Variants in KIF4A observed in about 807,000 individuals in gnomAD.
The protein encoded by KIF4A is kinesin family member 4A, also known as chromosome-associated kinesin KIF4A.
In KIF4A, 7 loss-of-function variants were observed where a neutral mutation model predicts 105.9. The ratio of observed to expected loss-of-function variants is 0.07; its 90% CI spans 0.04 to 0.12. The LOEUF is 0.12. Among genes scored for constraint, KIF4A ranks in the 10% least tolerant of loss-of-function variants. The pLI is 1.00. For missense variants in KIF4A, 558 were observed against 929.2 expected, an observed-to-expected ratio of 0.60 and a Z score of 5.19; for synonymous variants, 281 against 331.3, an observed-to-expected ratio of 0.85 and a Z score of 1.65.
chrX:70,330,182 T>C lies in KIF4A; in HGVS notation c.921T>C (p.Thr307=), dbSNP rs200974983. ...ATTCTCTAGGAGGTAATAGCCATAC[T>C]CTTATGATAGCCTGTGTGAGTCCTG... ...LQDSLGGNSH[T]LMIACVSPAD... is the part of the protein sequence containing the mutation. The change falls in exon 9 of 31, where the codon ACT becomes ACC. Residue 307 remains threonine (T), a synonymous_variant. Coordinates refer to ENST00000374403, the MANE Select transcript of KIF4A (RefSeq NM_012310.5). The C allele has an allele frequency of 3.3e-6, 4 of 1,205,014 alleles. No homozygotes were observed. In the African/African-American group the frequency reaches 5.3e-5, roughly 16 times the overall value.
chrX:70,388,612 T>C (rs1472509526), intron 20 of KIF4A, among the ~76,000 whole-genome samples: 5 of 111,891 alleles, frequency 4.5e-5, no homozygotes, highest in African/African-American at 1.3e-4. Flanking sequence ...TGGAACCTCA[T>C]TGTGGTTCTA....
chrX:70,415,368 G>C, intron 28 of KIF4A: 1 of 265,994 alleles, frequency 3.8e-6, no homozygotes, highest in South Asian at 3.6e-5. Context: ...TCAGCACTTT[G>C]GGAGGCTGAG....
intron 26 of KIF4A, 102 bp downstream of exon 26, chrX:70,406,007 C>A: frequency 3.1e-6 from 2 of 636,168 alleles, no homozygotes; most frequent in Non-Finnish European, 5.2e-6. Flanking sequence ...GGCTTTATTT[C>A]ATGAGGTCTA....
intron 15 of KIF4A, among the ~76,000 whole-genome samples, chrX:70,358,726 C>A (rs1201391578): frequency 8.9e-6 from 1 of 112,205 alleles, no homozygotes; most frequent in Non-Finnish European, 1.9e-5. Context: ...GCTATCCATT[C>A]ATATTTAAGA....
At chrX:70,400,102 G>A (rs1441275776) in intron 22 of KIF4A, among the ~76,000 whole-genome samples, 1 of 101,257 alleles carries the variant, frequency 9.9e-6, no homozygotes, top group Non-Finnish European at 2.0e-5. Flanking sequence ...TACATGTGCC[G>A]TGCTGGTGCG....
intron 10 of KIF4A, among the ~76,000 whole-genome samples, chrX:70,335,160 G>A: frequency 8.9e-6 from 1 of 112,375 alleles, no homozygotes; most frequent in African/African-American, 3.2e-5. Flanking sequence ...ATCAACGTAT[G>A]ACCTGATAAA....
At chrX:70,381,873 C>T (rs964099881) in intron 18 of KIF4A, among the ~76,000 whole-genome samples, 12 of 111,374 alleles carry the variant, frequency 1.1e-4, no homozygotes, top group African/African-American at 3.6e-4. Flanking sequence ...TCAAAGCAAT[C>T]AAGGAGAAGA....
chrX:70,401,435 C>T (rs181745762), intron 22 of KIF4A, among the ~76,000 whole-genome samples: 1,337 of 102,220 alleles, frequency 0.013, 12 homozygotes, highest in Middle Eastern at 0.088. Flanking sequence ...GAGTATTGCT[C>T]TGTCTCCCAG....
At chrX:70,360,285 C>T (rs1024145069) in intron 15 of KIF4A, among the ~76,000 whole-genome samples, 1 of 112,821 alleles carries the variant, frequency 8.9e-6, no homozygotes, top group Non-Finnish European at 1.9e-5. Flanking sequence ...TGCCTTGCCC[C>T]TGACTAACCC....
intron 18 of KIF4A, among the ~76,000 whole-genome samples, chrX:70,384,166 GT>G (rs2086208067): frequency 8.9e-6 from 1 of 112,174 alleles, no homozygotes; most frequent in African/African-American, 3.2e-5. Flanking sequence ...AAGGATCTTT[GT>G]TTTGCTCACT....
At chrX:70,375,179 T>C (rs747065435) in intron 16 of KIF4A, 25 bp from the exon 17 acceptor site, 1 of 1,206,273 alleles carries the variant, frequency 8.3e-7, no homozygotes, top group South Asian at 1.8e-5. Flanking sequence ...CTGGTAGTCC[T>C]CACTTCTACA....
At chrX:70,361,319 G>C (rs2086074502) in intron 15 of KIF4A, among the ~76,000 whole-genome samples, 2 of 113,687 alleles carry the variant, frequency 1.8e-5, no homozygotes, top group Non-Finnish European at 3.7e-5. Context: ...ATGGGGCCTT[G>C]CCCCAAATGC....
intron 20 of KIF4A, among the ~76,000 whole-genome samples, chrX:70,392,370 G>A (rs183819360): frequency 1.8e-5 from 2 of 111,964 alleles, no homozygotes; most frequent in Non-Finnish European, 1.9e-5. Flanking sequence ...ATATAGGATT[G>A]TTCAAAGTTA....
chrX:70,321,478 A>G (rs1449235356), intron 7 of KIF4A, among the ~76,000 whole-genome samples: 2 of 111,459 alleles, frequency 1.8e-5, no homozygotes, highest in Non-Finnish European at 3.8e-5. Context: ...CCCACAAACT[A>G]CAAGGTTCCA....
intron 13 of KIF4A, among the ~76,000 whole-genome samples, chrX:70,351,909 C>T (rs1308070336): frequency 5.4e-5 from 6 of 110,986 alleles, no homozygotes; most frequent in Admixed American, 2.9e-4. Context: ...AGGTGCTCGC[C>T]ACCACGCCCG....
chrX:70,329,577 A>T, intron 8 of KIF4A, 56 bp downstream of exon 8: 1 of 973,686 alleles, frequency 1.0e-6, no homozygotes, highest in Non-Finnish European at 1.5e-6. Flanking sequence ...TAGTGCTGAG[A>T]CAGCAAAGAT....
At chrX:70,295,734 G>A (rs1030732353) in intron 3 of KIF4A, among the ~76,000 whole-genome samples, 2 of 108,433 alleles carry the variant, frequency 1.8e-5, no homozygotes, top group South Asian at 4.2e-4. Context: ...TGGCTAACAC[G>A]GTGAAACCCC....
intron 28 of KIF4A, among the ~76,000 whole-genome samples, chrX:70,417,621 T>TG (rs1376900223): frequency 8.9e-6 from 1 of 111,758 alleles, no homozygotes; most frequent in Non-Finnish European, 1.9e-5. Context: ...CACTCCAGCC[T>TG]GGGTGACATA....
At chrX:70,407,156 G>A in intron 28 of KIF4A, 81 bp downstream of exon 28, 1 of 1,026,273 alleles carries the variant, frequency 9.7e-7, no homozygotes, top group Non-Finnish European at 1.3e-6. Context: ...CGCCCAGGCT[G>A]GAGTACAGTG....
Sources: gnomAD v4.1 joint callset for allele counts (sites outside exome capture counted in the v4.1 genomes callset) on GRCh38, gnomAD v4.1.1 for gene constraint, MANE v1.5 for transcripts, NCBI Gene and HGNC (gene_info 2026-07-23, HGNC 2026-07-21) for gene names.